SLC44A5: variants seen among roughly 807,000 people sequenced by gnomAD.
The protein encoded by SLC44A5 is choline transporter-like protein 5.
A neutral mutation model predicts 101.8 loss-of-function variants in SLC44A5; 57 were observed. The observed-to-expected ratio is 0.56, with a 90% CI of 0.45 to 0.70. SLC44A5 has a LOEUF of 0.70. Among genes scored for constraint, SLC44A5 ranks in the 30% least tolerant of loss-of-function variants. The pLI is 0.00. For missense variants in SLC44A5, 737 were observed against 853.1 expected, an observed-to-expected ratio of 0.86 and a Z score of 1.70; for synonymous variants, 281 against 290.9, an observed-to-expected ratio of 0.97 and a Z score of 0.35.
chr1:75,223,546 C>A (rs536010284), intron 13 of SLC44A5, among the ~76,000 whole-genome samples: 22 of 152,166 alleles, frequency 1.4e-4, no homozygotes, highest in Non-Finnish European at 2.8e-4. Context: ...GAAACAGAAT[C>A]TAAAATTGTT....
At chr1:75,515,923 T>C (rs965283749) in intron 2 of SLC44A5, among the ~76,000 whole-genome samples, 1 of 152,208 alleles carries the variant, frequency 6.6e-6, no homozygotes, top group Non-Finnish European at 1.5e-5. Context: ...CTATCTTTTG[T>C]GTTTTTGATA....
At chr1:75,699,507 A>G in the SLC44A5 span, among the ~76,000 whole-genome samples, 1 of 152,070 alleles carries the variant, frequency 6.6e-6, no homozygotes, top group Admixed American at 6.6e-5. Flanking sequence ...AGGAAGCGCT[A>G]AACATGGAAA....
intron 3 of SLC44A5, among the ~76,000 whole-genome samples, chr1:75,391,420 G>A (rs1460862795): frequency 1.3e-5 from 2 of 152,010 alleles, no homozygotes; most frequent in African/African-American, 4.8e-5. Context: ...AAAGAACAAA[G>A]TTGGCATCAC....
chr1:75,326,444 T>C (rs1656607068), intron 4 of SLC44A5, among the ~76,000 whole-genome samples: 1 of 152,088 alleles, frequency 6.6e-6, no homozygotes, highest in Non-Finnish European at 1.5e-5. Context: ...AGTTTAGTAA[T>C]TAACAGCTCT....
chr1:75,579,671 G>A (rs991092457), intron 1 of SLC44A5, among the ~76,000 whole-genome samples: 9 of 152,098 alleles, frequency 5.9e-5, no homozygotes, highest in African/African-American at 2.2e-4. Context: ...AATATATTAA[G>A]ATCTAGGAAT....
chr1:75,549,192 G>A (rs1449146231), intron 1 of SLC44A5, among the ~76,000 whole-genome samples: 3 of 152,026 alleles, frequency 2.0e-5, no homozygotes, highest in Non-Finnish European at 2.9e-5. Flanking sequence ...ATACAGTTTG[G>A]GTAACTAGAC....
the SLC44A5 span, among the ~76,000 whole-genome samples, chr1:75,720,699 C>T: frequency 2.6e-5 from 4 of 152,074 alleles, no homozygotes; most frequent in Admixed American, 6.5e-5. Context: ...TCATGGCCCA[C>T]GACACAGTCC....
At chr1:75,665,380 C>T in the SLC44A5 span, among the ~76,000 whole-genome samples, 1 of 152,096 alleles carries the variant, frequency 6.6e-6, no homozygotes, top group Non-Finnish European at 1.5e-5. Flanking sequence ...ATAAATGATG[C>T]TACGTTAACT....
chr1:75,344,916 C>T (rs1658136359), intron 3 of SLC44A5, among the ~76,000 whole-genome samples: 1 of 152,078 alleles, frequency 6.6e-6, no homozygotes, highest in Non-Finnish European at 1.5e-5. Context: ...CATAGTTTCT[C>T]TAGGGCAGAA....
chr1:75,625,285 T>C, the SLC44A5 span, among the ~76,000 whole-genome samples: 1 of 152,178 alleles, frequency 6.6e-6, no homozygotes, highest in Non-Finnish European at 1.5e-5. Flanking sequence ...TTTTGGAACT[T>C]AGAAACCAGA....
chr1:75,581,955 T>C (rs1211156698), intron 1 of SLC44A5: 1 of 371,292 alleles, frequency 2.7e-6, no homozygotes, highest in African/African-American at 2.1e-5. Context: ...GTGAGCCAGG[T>C]AAACCTCTTT....
chr1:75,208,499 G>T (rs1646792015), intron 23 of SLC44A5, among the ~76,000 whole-genome samples: 1 of 152,168 alleles, frequency 6.6e-6, no homozygotes, highest in African/African-American at 2.4e-5. Flanking sequence ...GAAGAAAAAA[G>T]AATTTTAAGC....
intron 3 of SLC44A5, among the ~76,000 whole-genome samples, chr1:75,346,586 C>T (rs985500503): frequency 1.3e-5 from 2 of 152,112 alleles, no homozygotes; most frequent in African/African-American, 4.8e-5. Flanking sequence ...TGCTATAGAA[C>T]AGCCATGAAT....
chr1:75,319,633 G>T (rs1335628612), intron 4 of SLC44A5, among the ~76,000 whole-genome samples: 3 of 152,122 alleles, frequency 2.0e-5, no homozygotes, highest in African/African-American at 7.2e-5. Flanking sequence ...GACTATGACG[G>T]CATTTCTGCC....
chr1:75,570,364 C>T (rs532632708), intron 1 of SLC44A5, among the ~76,000 whole-genome samples: 1 of 152,230 alleles, frequency 6.6e-6, no homozygotes, highest in South Asian at 2.1e-4. Flanking sequence ...GTGAACGAAA[C>T]ACAGAAATAC....
At chr1:75,384,056 G>A (rs1056222952) in intron 3 of SLC44A5, among the ~76,000 whole-genome samples, 16 of 151,430 alleles carry the variant, frequency 1.1e-4, no homozygotes, top group Non-Finnish European at 1.9e-4. Context: ...CCTGAAGGAA[G>A]CACTAAACAT....
At chr1:75,666,040 GC>G in the SLC44A5 span, among the ~76,000 whole-genome samples, 1 of 152,142 alleles carries the variant, frequency 6.6e-6, no homozygotes, top group East Asian at 1.9e-4. Flanking sequence ...AATTGCTTCA[GC>G]CACTGTGGAA....
the SLC44A5 span, among the ~76,000 whole-genome samples, chr1:75,618,734 A>G: frequency 6.6e-6 from 1 of 152,194 alleles, no homozygotes; most frequent in Admixed American, 6.5e-5. Flanking sequence ...TTGTAAAACA[A>G]TGCTAAGTAT....
In SLC44A5 at chr1:75,203,800, G is replaced by T; in HGVS notation, c.2081C>A (p.Ala694Glu). Residue 694 changes from alanine to glutamate, a missense_variant, in exon 24 of 24, where the codon GCA becomes GAA. Ala to Glu is a moderately radical substitution (Grantham distance 107). This residue lies in a region of SLC44A5 where 61 missense variants were observed against 56.5 expected (regional missense o/e 1.08). Transcript: ENST00000370859. The stretch of plus-strand genomic sequence containing the variant: ...AGGTTGACTCACATAATAAGGTCTT[G>T]CAGTAGAACCATCATTTCTTTCTAA... ...EDLERNDGSTARPYYVSQPLL... is the reference protein window; with the variant it reads ...EDLERNDGSTERPYYVSQPLL... The T allele has an allele frequency of 1.3e-6, 2 of 1,549,686 alleles. No individual in the cohort carries two copies. Among genetic ancestry groups the T allele is most frequent in the Non-Finnish European group, 1.7e-6 (2 of 1,146,072 alleles).
Sources: allele counts gnomAD v4.1 joint callset (sites outside exome capture counted in the v4.1 genomes callset), GRCh38; gene constraint gnomAD v4.1.1; regional missense constraint gnomAD v4.1.1; transcripts MANE v1.5; gene names NCBI Gene and HGNC (gene_info 2026-07-23, HGNC 2026-07-21).